Variants in CTTNBP2 observed in about 807,000 individuals in gnomAD.
CTTNBP2 encodes cortactin binding protein 2.
CTTNBP2 carries 108 observed loss-of-function variants against 156.9 expected under a neutral mutation model. That is an observed-to-expected ratio of 0.69 (90% confidence interval 0.59 to 0.81). The LOEUF (loss-of-function observed/expected upper bound fraction) is 0.81, where lower values mean the gene tolerates loss of function less well. CTTNBP2 is among the 30% of genes least tolerant of loss of function. The pLI, the probability that CTTNBP2 is intolerant of heterozygous loss-of-function variation, is 0.00. For missense variants in CTTNBP2, 1,924 were observed against 2,035.4 expected, an observed-to-expected ratio of 0.95 and a Z score of 1.05; for synonymous variants, 767 against 751.8, an observed-to-expected ratio of 1.02 and a Z score of -0.33.
chr7:117,836,710 A>T (rs1411774084), intron 2 of CTTNBP2, among the ~76,000 whole-genome samples: 1 of 152,178 alleles, frequency 6.6e-6, no homozygotes, highest in East Asian at 1.9e-4. Context: ...ACATTGGGTG[A>T]TTTATACAGG....
chr7:117,846,575 A>G (rs1427546264), intron 2 of CTTNBP2, among the ~76,000 whole-genome samples: 2 of 152,102 alleles, frequency 1.3e-5, no homozygotes, highest in African/African-American at 4.8e-5. Flanking sequence ...GAAAAAAGAA[A>G]AAAAAAGAAA....
At chr7:117,810,718 T>C (rs1346833148) in intron 3 of CTTNBP2, 47 bp downstream of exon 3, 5 of 1,479,718 alleles carry the variant, frequency 3.4e-6, no homozygotes, top group Admixed American at 1.7e-5. Context: ...GATCTCCTCA[T>C]TGGACACCAT....
Position 117,728,241 on chromosome 7 carries a change from G to T in CTTNBP2, c.3903C>A (p.Cys1301Ter). 6.2e-7 allele frequency: 1 copy of T among 1,613,740 alleles called. No individual in the cohort carries two copies. ...AGTCGACAATCTTGCACACAGGATC[G>T]CAGGGGGAGGGCGCCTGACCTTTGA... Reference protein sequence around the residue: ...NKFKGQAPSPCDPVCKIVDWA... With the variant: ...NKFKGQAPSP Residue 1301 changes from cysteine to a stop codon, truncating the protein, a stop_gained, in exon 17 of 23, where the codon TGC (cysteine) becomes TGA (stop). Transcript: ENST00000160373. LOFTEE classifies it high-confidence loss of function.
At chr7:117,864,740 A>G (rs1022919951) in intron 1 of CTTNBP2, among the ~76,000 whole-genome samples, 1 of 144,206 alleles carries the variant, frequency 6.9e-6, no homozygotes, top group African/African-American at 2.5e-5. Flanking sequence ...ATTCATATAT[A>G]TTCATTCAAT....
At chr7:117,860,735 G>A (rs1803670632) in intron 2 of CTTNBP2, among the ~76,000 whole-genome samples, 1 of 151,966 alleles carries the variant, frequency 6.6e-6, no homozygotes, top group Non-Finnish European at 1.5e-5. Flanking sequence ...ACACTTTGAA[G>A]GTATGGATAA....
intron 2 of CTTNBP2, among the ~76,000 whole-genome samples, chr7:117,844,413 A>G (rs753155653): frequency 6.6e-6 from 1 of 152,204 alleles, no homozygotes; most frequent in Non-Finnish European, 1.5e-5. Context: ...AGAGCCAACA[A>G]GATGTACAGA....
At chr7:117,826,272 A>G (rs573290501) in intron 2 of CTTNBP2, among the ~76,000 whole-genome samples, 1 of 152,306 alleles carries the variant, frequency 6.6e-6, no homozygotes, top group South Asian at 2.1e-4. Flanking sequence ...CACTCCATGC[A>G]GAGAGAAAAT....
At chr7:117,717,223 TGGAATCCTGGTTC>T (rs1464834735) in intron 22 of CTTNBP2, among the ~76,000 whole-genome samples, 1 of 152,230 alleles carries the variant, frequency 6.6e-6, no homozygotes, top group East Asian at 1.9e-4. Context: ...GGAAGTCTAC[TGGAATCCTGGTTC>T]TTCTAGTTGC....
chr7:117,811,303 C>T (rs1282789467), intron 2 of CTTNBP2, among the ~76,000 whole-genome samples: 3 of 152,062 alleles, frequency 2.0e-5, no homozygotes, highest in African/African-American at 4.8e-5. Context: ...TTTACACCCC[C>T]ACCCCTCCAC....
chr7:117,826,171 C>A (rs1475734613), intron 2 of CTTNBP2, among the ~76,000 whole-genome samples: 1 of 152,166 alleles, frequency 6.6e-6, no homozygotes, highest in South Asian at 2.1e-4. Context: ...ATTCATGAAA[C>A]ATAGCCAATT....
intron 1 of CTTNBP2, among the ~76,000 whole-genome samples, chr7:117,868,646 G>A (rs936660782): frequency 3.3e-5 from 5 of 152,122 alleles, no homozygotes; most frequent in African/African-American, 1.2e-4. Context: ...TCTCGTACCT[G>A]TCCTCTGATT....
At chr7:117,730,156 G>A (rs984150833) in intron 16 of CTTNBP2, among the ~76,000 whole-genome samples, 1 of 152,024 alleles carries the variant, frequency 6.6e-6, no homozygotes, top group Admixed American at 6.5e-5. Context: ...TCCTCCCTAG[G>A]CCTGAGATGT....
chr7:117,768,581 A>AAAAAAAAAAAAAAAAAAAAAAAG (rs1554419704), intron 8 of CTTNBP2, among the ~76,000 whole-genome samples: 1 of 99,112 alleles, frequency 1.0e-5, no homozygotes, highest in Non-Finnish European at 1.8e-5. Context: ...AAAAAAAAAA[A>AAAAAAAAAAAAAAAAAAAAAAAG]AAAGAAAGAA....
At chr7:117,834,076 T>C (rs1187997715) in intron 2 of CTTNBP2, among the ~76,000 whole-genome samples, 3 of 150,612 alleles carry the variant, frequency 2.0e-5, no homozygotes, top group Non-Finnish European at 4.4e-5. Flanking sequence ...TTTTGAAATG[T>C]AGTTTTACTC....
chr7:117,771,249 G>A (rs977247101), intron 8 of CTTNBP2, among the ~76,000 whole-genome samples: 1 of 152,180 alleles, frequency 6.6e-6, no homozygotes, highest in African/African-American at 2.4e-5. Context: ...AGTCCAGAGA[G>A]CTAGAGATAA....
intron 3 of CTTNBP2, among the ~76,000 whole-genome samples, chr7:117,809,417 G>C (rs935432082): frequency 6.6e-6 from 1 of 152,110 alleles, no homozygotes; most frequent in African/African-American, 2.4e-5. Flanking sequence ...CACATTACAG[G>C]CATAATTGAA....
intron 1 of CTTNBP2, among the ~76,000 whole-genome samples, chr7:117,869,947 C>G (rs938892915): frequency 6.6e-6 from 1 of 152,140 alleles, no homozygotes; most frequent in Admixed American, 6.5e-5. Context: ...TCACTGAAAA[C>G]CCTTCGCATA....
chr7:117,722,914 T>C (rs1187519314), intron 19 of CTTNBP2, among the ~76,000 whole-genome samples: 3 of 152,130 alleles, frequency 2.0e-5, no homozygotes, highest in Non-Finnish European at 2.9e-5. Flanking sequence ...GCCCAAGGGT[T>C]TCTGAACCTC....
intron 2 of CTTNBP2, among the ~76,000 whole-genome samples, chr7:117,854,965 A>G (rs1420577353): frequency 6.6e-6 from 1 of 152,018 alleles, no homozygotes; most frequent in Non-Finnish European, 1.5e-5. Flanking sequence ...TTGTACTTTT[A>G]GTAGAGATAG....
Sources: gnomAD v4.1 joint callset for allele counts (sites outside exome capture counted in the v4.1 genomes callset) on GRCh38, gnomAD v4.1.1 for gene constraint, MANE v1.5 for transcripts, NCBI Gene and HGNC (gene_info 2026-07-23, HGNC 2026-07-21) for gene names.